Variants in PRKD3 observed in about 807,000 individuals in gnomAD.
PRKD3 encodes serine/threonine-protein kinase D3.
A neutral mutation model predicts 99.2 loss-of-function variants in PRKD3; 47 were observed. The ratio of observed to expected loss-of-function variants is 0.47; its 90% confidence interval spans 0.38 to 0.60. PRKD3 has a LOEUF of 0.60. Ranked by LOEUF, PRKD3 falls within the 20% of genes least tolerant of loss-of-function variation. The probability of loss-of-function intolerance (pLI) is 0.00; values close to 1 mark genes in which losing one functional copy is unlikely to be tolerated. For synonymous variants in PRKD3, 392 were observed against 355.4 expected (o/e 1.10, Z -1.16); for missense variants, 1,019 against 1,088.4 (o/e 0.94, Z 0.90).
intron 11 of PRKD3, among the ~76,000 whole-genome samples, chr2:37,272,809 C>A (rs1392162601): frequency 1.3e-5 from 2 of 152,022 alleles, no homozygotes; most frequent in Non-Finnish European, 2.9e-5. Flanking sequence ...CTACAGGATA[C>A]CCTATCTCTA....
intron 2 of PRKD3, among the ~76,000 whole-genome samples, chr2:37,295,153 T>C (rs924781670): frequency 2.0e-5 from 3 of 152,194 alleles, no homozygotes; most frequent in East Asian, 1.9e-4. Context: ...ACTTCTTGCA[T>C]GTCCGGTAAG....
At chr2:37,270,884 T>G (rs1669207651) in intron 12 of PRKD3, among the ~76,000 whole-genome samples, 1 of 152,180 alleles carries the variant, frequency 6.6e-6, no homozygotes, top group South Asian at 2.1e-4. Flanking sequence ...CAAAAGCCAA[T>G]TCTGAATCCT....
At chr2:37,259,831 C>T (rs1668269671) in intron 15 of PRKD3, 150 bp from the exon 16 acceptor site, 2 of 601,478 alleles carry the variant, frequency 3.3e-6, no homozygotes, top group Non-Finnish European at 5.9e-6. Context: ...GTTAACAATT[C>T]CCACAATCAC....
chr2:37,324,201 T>TA (rs1672012183), intron 1 of PRKD3: 1 of 985,434 alleles, frequency 1.0e-6, no homozygotes, highest in African/African-American at 1.7e-5. Flanking sequence ...TACTCACCCC[T>TA]TTGAGACGAC....
chr2:37,269,241 A>G (rs941117347), intron 13 of PRKD3: 1 of 220,464 alleles, frequency 4.5e-6, no homozygotes, highest in Non-Finnish European at 9.4e-6. Context: ...TCATGCCAAC[A>G]GTAGACAAAT....
In PRKD3 at chr2:37,279,786, G is replaced by A; in HGVS notation, c.1132C>T (p.Leu378Phe). 2 of 1,613,708 alleles carry A rather than the reference G, an allele frequency of 1.2e-6. No homozygotes were observed. The highest frequency in any genetic ancestry group is 1.7e-6 in the Non-Finnish European group (2 of 1,179,908). ...GCTTCTTCATCTCTTTCCACATCGA[G>A]ATCAGATGGATCCAAGAAGAACATC... ...DKMFFLDPSD[L>F]DVERDEEAVK... is the part of the protein sequence containing the mutation. The change falls in exon 8 of 19, where the codon CTC becomes TTC. Residue 378 changes from leucine to phenylalanine, a missense_variant. Physicochemically the swap from Leu to Phe is conservative, Grantham distance 22 (BLOSUM62 0). Coordinates refer to ENST00000234179, the MANE Select transcript of PRKD3 (RefSeq NM_005813.6).
chr2:37,276,357 T>C (rs1669570738), intron 9 of PRKD3, among the ~76,000 whole-genome samples: 1 of 152,144 alleles, frequency 6.6e-6, no homozygotes, highest in South Asian at 2.1e-4. Flanking sequence ...TTTTTGATCT[T>C]TGCTATACTG....
At chr2:37,282,317 A>G (rs531423188) in intron 7 of PRKD3, 8 of 520,234 alleles carry the variant, frequency 1.5e-5, no homozygotes, top group East Asian at 3.1e-5. Flanking sequence ...ACCACTGGCT[A>G]TATTAGACTA....
intron 9 of PRKD3, among the ~76,000 whole-genome samples, chr2:37,276,793 T>TACAC (rs1297412607): frequency 6.7e-6 from 1 of 149,128 alleles, no homozygotes; most frequent in Non-Finnish European, 1.5e-5. Flanking sequence ...TATGTATATA[T>TACAC]ACACACACAC....
chr2:37,314,691 C>G (rs994593336), intron 2 of PRKD3, among the ~76,000 whole-genome samples: 3 of 151,766 alleles, frequency 2.0e-5, no homozygotes, highest in Non-Finnish European at 4.4e-5. Flanking sequence ...CATAGAGAGT[C>G]ATCAAAACAC....
At chr2:37,264,620 T>C (rs541322239) in intron 14 of PRKD3, among the ~76,000 whole-genome samples, 1 of 152,188 alleles carries the variant, frequency 6.6e-6, no homozygotes, top group South Asian at 2.1e-4. Context: ...GAGTATGACA[T>C]GCAGATATTT....
intron 2 of PRKD3, among the ~76,000 whole-genome samples, chr2:37,314,921 T>A (rs1572705017): frequency 6.6e-6 from 1 of 152,230 alleles, no homozygotes; most frequent in East Asian, 1.9e-4. Flanking sequence ...TACTTAGGAA[T>A]AACTTAGGCC....
intron 2 of PRKD3, among the ~76,000 whole-genome samples, chr2:37,311,334 T>TGAAATAC (rs1671417133): frequency 6.6e-6 from 1 of 152,362 alleles, no homozygotes; most frequent in African/African-American, 2.4e-5. Flanking sequence ...GACTTACATC[T>TGAAATAC]ACCTTATATT....
chr2:37,316,832 C>T lies in PRKD3; in HGVS notation c.-308G>A. On this transcript the variant is annotated 5_prime_UTR_variant, in exon 2 of 19. Coordinates refer to ENST00000234179, the MANE Select transcript of PRKD3 (RefSeq NM_005813.6). ...CCTCAGCAGGATAGAGTTGACGTAG[C>T]TTATTTACGAATCTATTTTCCTTTC... 1 of 1,131,360 alleles carries T rather than the reference C, an allele frequency of 8.8e-7. No individual in the cohort carries two copies. Among genetic ancestry groups the T allele is most frequent in the South Asian group, 3.1e-5 (1 of 32,018 alleles). 70.1% of individuals were successfully genotyped at this position (1,131,360 alleles called of 1,614,324 possible).
intron 8 of PRKD3, 45 bp downstream of exon 8, chr2:37,279,701 C>G: frequency 1.3e-6 from 2 of 1,500,346 alleles, no homozygotes; most frequent in African/African-American, 2.8e-5. Context: ...AGATCCTGAA[C>G]TGACCTTGCA....
chr2:37,265,196 AG>A (rs1392302931), intron 14 of PRKD3, among the ~76,000 whole-genome samples: 1 of 152,128 alleles, frequency 6.6e-6, no homozygotes, highest in East Asian at 1.9e-4. Context: ...AAGATGGAAA[AG>A]GAAAGATGAT....
Position 37,253,236 on chromosome 2 carries a change from C to G in PRKD3, c.2614G>C (p.Val872Leu). Residue 872 changes from valine (V) to leucine (L), a missense_variant, in exon 19 of 19, where the codon GTA (valine) becomes CTA (leucine). Physicochemically the swap from Val to Leu is conservative, Grantham distance 32 (BLOSUM62 1). Around this residue, in one of 3 missense-constraint regions of PRKD3, gnomAD observed 125 missense variants for 120.6 expected, o/e 1.04. Coordinates refer to ENST00000234179, the MANE Select transcript of PRKD3 (RefSeq NM_005813.6). ...WEIHAYTHNL[V>L]YPKHFIMAPN... ...GCCATAATGAAGTGCTTTGGGTATA[C>G]AAGGTTATGTGTGTATGCATGTATT... is the stretch of plus-strand genomic sequence containing the variant. 1 of 1,612,508 alleles carries G rather than the reference C, an allele frequency of 6.2e-7. No individual in the cohort carries two copies. Among genetic ancestry groups the G allele is most frequent in the Non-Finnish European group, 8.5e-7 (1 of 1,178,940 alleles).
chr2:37,286,485 A>G lies in PRKD3; in HGVS notation c.718-116T>C, dbSNP rs1670102671. ...ACACTAAAGCCAAAAAACTCTAAAA[A>G]TGTTGTTCTCAGCAGTTTCCTTTGC... On this transcript the variant is annotated intron_variant, in intron 5 of 18. Coordinates refer to ENST00000234179, the MANE Select transcript of PRKD3 (RefSeq NM_005813.6). 6 of 855,520 alleles carry G rather than the reference A, an allele frequency of 7.0e-6. No homozygotes were observed. The South Asian group carries it at 1.2e-4, about 18-fold the overall frequency. The allele number at this position is 855,520 out of a possible 1,614,324, so 53.0% of individuals were successfully genotyped here.
chr2:37,251,372 C>CTGTT lies in PRKD3; in HGVS notation c.*1801_*1804dup, dbSNP rs561626128. On this transcript the variant is annotated 3_prime_UTR_variant, in exon 19 of 19. Coordinates refer to ENST00000234179, the MANE Select transcript of PRKD3 (RefSeq NM_005813.6). Reference sequence around the variant, plus strand: ...TACTACTGGTCTCAAATACTACTAACTGTTTGAAATTTGGCAGTAAGTTAA... The same window carrying CTGTT: ...TACTACTGGTCTCAAATACTACTAACTGTTTGTTTGAAATTTGGCAGTAAGTTAA... The CTGTT allele has an allele frequency of 2.6e-5, 4 of 152,642 alleles. No homozygotes were observed. The highest frequency in any genetic ancestry group is 4.4e-5 in the Non-Finnish European group (3 of 68,020). 9.5% of individuals were successfully genotyped at this position (152,642 alleles called of 1,614,324 possible).
Sources: allele counts gnomAD v4.1 joint callset (sites outside exome capture counted in the v4.1 genomes callset), GRCh38; gene constraint gnomAD v4.1.1; regional missense constraint gnomAD v4.1.1; transcripts MANE v1.5; gene names NCBI Gene and HGNC (gene_info 2026-07-23, HGNC 2026-07-21).